The following USP32 variants were observed in gnomAD, a reference collection of about 807,000 sequenced individuals.
USP32 encodes ubiquitin carboxyl-terminal hydrolase 32.
USP32 carries 59 observed loss-of-function variants against 204.8 expected under a neutral mutation model. The ratio of observed to expected loss-of-function variants is 0.29; its 90% CI spans 0.23 to 0.36. The LOEUF (loss-of-function observed/expected upper bound fraction) is 0.36, where lower values mean the gene tolerates loss of function less well. USP32 is among the 10% of genes least tolerant of loss of function. USP32 has a pLI of 1.00. For synonymous variants in USP32, 517 were observed against 678.4 expected (o/e 0.76, Z 3.70); for missense variants, 1,160 against 1,946.4 (o/e 0.60, Z 7.60).
intron 2 of USP32, among the ~76,000 whole-genome samples, chr17:60,344,043 A>G (rs2088723142): frequency 6.6e-6 from 1 of 152,188 alleles, no homozygotes; most frequent in Non-Finnish European, 1.5e-5. Context: ...TCAAAGAAAA[A>G]AAGAAAATAA....
At chr17:60,388,802 T>C (rs181283635) in intron 1 of USP32, among the ~76,000 whole-genome samples, 1 of 152,338 alleles carries the variant, frequency 6.6e-6, no homozygotes, top group East Asian at 1.9e-4. Context: ...GCTAAAATAG[T>C]GTGCAAAAAC....
intron 2 of USP32, among the ~76,000 whole-genome samples, chr17:60,324,990 C>T (rs1567852819): frequency 1.3e-5 from 2 of 151,828 alleles, no homozygotes; most frequent in African/African-American, 2.4e-5. Flanking sequence ...GCAACAAGAG[C>T]GAAACTCCAT....
chr17:60,314,489 G>A (rs754913800), intron 2 of USP32, among the ~76,000 whole-genome samples: 14 of 151,614 alleles, frequency 9.2e-5, no homozygotes, highest in Non-Finnish European at 2.1e-4. Flanking sequence ...TAAAAGAGCA[G>A]TGAACTTGAA....
rs145517427 is a variant in USP32, at chr17:60,294,994, C to A, written c.293-193G>T. 2.1e-3 allele frequency among the ~76,000 whole-genome samples: 320 copies of A among 152,032 alleles called. 2 individuals are homozygous for A. Among genetic ancestry groups the A allele is most frequent in the African/African-American group, 7.4e-3 (307 of 41,462 alleles). On this transcript the variant is annotated intron_variant, in intron 3 of 33. Transcript: ENST00000300896. ...GCAGTGTAGTATCTTTTCAAACATG[C>A]CAAATTTGCAAAAATCTTTAGGTAT...
At chr17:60,418,018 G>A (rs1395952193) in intron 1 of USP32, among the ~76,000 whole-genome samples, 1 of 148,276 alleles carries the variant, frequency 6.7e-6, no homozygotes, top group East Asian at 2.0e-4. Context: ...GAGTGCAATG[G>A]CACGATCTCG....
chr17:60,344,775 C>T (rs996437317), intron 2 of USP32, among the ~76,000 whole-genome samples: 1 of 152,160 alleles, frequency 6.6e-6, no homozygotes, highest in Admixed American at 6.6e-5. Context: ...ATTCTTATTT[C>T]TCATTTAGAA....
At chr17:60,211,883 T>C in intron 19 of USP32, 141 bp downstream of exon 19, 2 of 697,928 alleles carry the variant, frequency 2.9e-6, no homozygotes. Flanking sequence ...AAATGCTGCT[T>C]CAGGAAAAAA....
intron 1 of USP32, among the ~76,000 whole-genome samples, chr17:60,373,027 T>A (rs1273072969): frequency 1.3e-5 from 2 of 151,722 alleles, no homozygotes; most frequent in Non-Finnish European, 2.9e-5. Flanking sequence ...ATCAGCCAGG[T>A]ATGGTGGCAT....
chr17:60,266,155 C>G (rs558310541), intron 7 of USP32, 64 bp from the exon 8 acceptor site: 1 of 1,300,904 alleles, frequency 7.7e-7, no homozygotes, highest in East Asian at 2.3e-5. Flanking sequence ...ATATATTTTA[C>G]TAGAAGTTGC....
In USP32 at chr17:60,301,656, T is replaced by G. The variant is rs781307730; in HGVS notation, c.235A>C (p.Asn79His). Residue 79 changes from asparagine (N) to histidine (H), a missense_variant, in exon 3 of 34, where the codon AAT (asparagine) becomes CAT (histidine). By Grantham distance (68) the Asn-to-His change is moderately conservative. Transcript: ENST00000300896. ...AGGAGGACAAGTCCAACTATTAAAT[T>G]ATTGAAGTGCAGCCCTTTGGATGTT... ...GGTSKGLHFN[N>H]LIVGLVLLTR... 1 of 1,599,154 alleles carries G rather than the reference T, an allele frequency of 6.3e-7. No individual in the cohort carries two copies. Among genetic ancestry groups the G allele is most frequent in the Non-Finnish European group, 8.5e-7 (1 of 1,176,530 alleles).
At chr17:60,421,732 C>A in intron 1 of USP32, 9 of 798,474 alleles carry the variant, frequency 1.1e-5, no homozygotes, top group Non-Finnish European at 1.4e-5. Flanking sequence ...TCAGACTACA[C>A]CCGGACTCTG....
At chr17:60,274,360 G>C (rs1202220522) in intron 5 of USP32, among the ~76,000 whole-genome samples, 1 of 152,090 alleles carries the variant, frequency 6.6e-6, no homozygotes, top group East Asian at 1.9e-4. Context: ...GAAAGGGATA[G>C]GCAGAAAAAT....
rs771208613 is a variant in USP32 at position 60,192,847 on chromosome 17, T to C, written c.3518A>G (p.Tyr1173Cys). Residue 1173 changes from tyrosine (Y) to cysteine (C), a missense_variant, in exon 28 of 34, where the codon TAT becomes TGT. Coordinates refer to ENST00000300896, the MANE Select transcript of USP32 (RefSeq NM_032582.4). ...DGNSCAWCPW[Y>C]RFCRGCKIDC... is the part of the protein sequence containing the mutation. ...ATTCTTTTGCAGGTCACTTTACCTA[T>C]ACCATGGGCACCAAGCACAGGAGTT... 6.2e-7 allele frequency: 1 copy of C among 1,613,948 alleles called. No individual in the cohort carries two copies. Among genetic ancestry groups the C allele is most frequent in the Non-Finnish European group, 8.5e-7 (1 of 1,179,806 alleles).
At chr17:60,320,646 A>G (rs1312079436) in intron 2 of USP32, among the ~76,000 whole-genome samples, 1 of 152,240 alleles carries the variant, frequency 6.6e-6, no homozygotes, top group Non-Finnish European at 1.5e-5. Context: ...TTTCATCAAC[A>G]TTATAATGAA....
intron 3 of USP32, among the ~76,000 whole-genome samples, chr17:60,300,431 G>T (rs1030935726): frequency 6.6e-6 from 1 of 152,102 alleles, no homozygotes; most frequent in Non-Finnish European, 1.5e-5. Context: ...AGGGGAAATG[G>T]TGTCCTCTCA....
chr17:60,208,175 C>T lies in USP32; in HGVS notation c.2809G>A (p.Gly937Arg). ...TTTTCATCCATATTCAGTCTTAGTCCATACCGTACAGGGGTAGTACCATCT... is the reference window on the plus strand; with the variant it reads ...TTTTCATCCATATTCAGTCTTAGTCTATACCGTACAGGGGTAGTACCATCT... ...KLDGTTPVRY[G>R]LRLNMDEKYT... Residue 937 changes from glycine (G) to arginine (R), a missense_variant, in exon 24 of 34, where the codon GGA becomes AGA. Around this residue, in one of 8 missense-constraint regions of USP32, gnomAD observed 132 missense variants for 432.8 expected, o/e 0.30. Transcript: ENST00000300896. 6.3e-7 allele frequency: 1 copy of T among 1,591,888 alleles called. No individual in the cohort carries two copies. Among genetic ancestry groups the T allele is most frequent in the South Asian group, 1.1e-5 (1 of 88,018 alleles).
At chr17:60,332,172 C>T (rs189740215) in intron 2 of USP32, among the ~76,000 whole-genome samples, 1 of 152,002 alleles carries the variant, frequency 6.6e-6, no homozygotes, top group East Asian at 1.9e-4. Flanking sequence ...GCACGAGACT[C>T]GCTTGAACCT....
chr17:60,197,735 A>C (rs2084559238), intron 27 of USP32, among the ~76,000 whole-genome samples: 2 of 152,236 alleles, frequency 1.3e-5, no homozygotes, highest in African/African-American at 4.8e-5. Flanking sequence ...TGATAGGAAA[A>C]AGGGAAAGAA....
intron 30 of USP32, 75 bp from the exon 31 acceptor site, chr17:60,183,528 C>T: frequency 8.1e-6 from 12 of 1,478,186 alleles, no homozygotes; most frequent in Non-Finnish European, 1.1e-5. Flanking sequence ...AAAAACAAGT[C>T]AAATACATGT....
Sources: allele counts gnomAD v4.1 joint callset (sites outside exome capture counted in the v4.1 genomes callset), GRCh38; gene constraint gnomAD v4.1.1; regional missense constraint gnomAD v4.1.1; transcripts MANE v1.5; gene names NCBI Gene and HGNC (gene_info 2026-07-23, HGNC 2026-07-21).